IQCK: variants seen among roughly 807,000 people sequenced by gnomAD.
IQCK encodes IQ domain-containing protein K.
IQCK carries 29 observed loss-of-function variants against 28.1 expected under a neutral mutation model. That is an observed-to-expected ratio of 1.03 (90% confidence interval 0.77 to 1.41). The LOEUF is 1.41. Ranked by LOEUF, IQCK falls within the 40% of genes most tolerant of loss-of-function variation. The pLI, the probability that IQCK is intolerant of heterozygous loss-of-function variation, is 0.00. For missense variants in IQCK, 359 were observed against 314.7 expected (o/e 1.14, Z -1.07); for synonymous variants, 113 against 115.1 (o/e 0.98, Z 0.12).
At chr16:19,732,069 A>G (rs1977857314) in intron 2 of IQCK, among the ~76,000 whole-genome samples, 1 of 152,222 alleles carries the variant, frequency 6.6e-6, no homozygotes, top group African/African-American at 2.4e-5. Flanking sequence ...GAAGAGAGCA[A>G]GAATTCAGCC....
intron 9 of IQCK, among the ~76,000 whole-genome samples, chr16:19,848,159 G>A (rs1008705195): frequency 2.6e-5 from 4 of 152,224 alleles, no homozygotes; most frequent in Non-Finnish European, 4.4e-5. Flanking sequence ...CCAACAATGA[G>A]TGTGATGAGT....
chr16:19,732,806 C>G (rs1315311052), intron 2 of IQCK, among the ~76,000 whole-genome samples: 2 of 152,278 alleles, frequency 1.3e-5, no homozygotes, highest in East Asian at 3.9e-4. Flanking sequence ...CTAAGTGGTT[C>G]TAAGTGTTCT....
At position 19,741,506 on chromosome 16, in the gene IQCK, A is replaced by G. The variant is rs553534738; in HGVS notation, c.474+6056A>G. On this transcript the variant is annotated intron_variant, in intron 4 of 7. Coordinates refer to ENST00000564186, the Ensembl canonical transcript of IQCK. ...AAGAACCAGATAAATTTCTAATTAT[A>G]TTAGAGATTAATGAGGCATCCTTGT... Among the ~76,000 whole-genome samples the G allele has an allele frequency of 2.4e-4, 36 of 152,340 alleles. No individual in the cohort carries two copies. In the South Asian group the frequency reaches 6.8e-3, roughly 29 times the overall value.
At chr16:19,733,646 A>G in intron 2 of IQCK, 52 bp from the exon 3 acceptor site, 2 of 1,601,286 alleles carry the variant, frequency 1.2e-6, no homozygotes, top group South Asian at 2.2e-5. Context: ...CAGAAAATGC[A>G]ATTATTTAAG....
chr16:19,823,825 C>G (rs1043634165), intron 7 of IQCK, among the ~76,000 whole-genome samples: 1 of 152,034 alleles, frequency 6.6e-6, no homozygotes, highest in Non-Finnish European at 1.5e-5. Flanking sequence ...CCCAGCTACT[C>G]GTGAGGCTGA....
At chr16:19,748,458 A>G (rs2054943091) in intron 4 of IQCK, among the ~76,000 whole-genome samples, 1 of 152,218 alleles carries the variant, frequency 6.6e-6, no homozygotes, top group Non-Finnish European at 1.5e-5. Flanking sequence ...GATCTGTAAA[A>G]TATGAATTGT....
intron 6 of IQCK, among the ~76,000 whole-genome samples, chr16:19,776,641 A>G (rs775317751): frequency 1.2e-4 from 18 of 152,190 alleles, no homozygotes; most frequent in Non-Finnish European, 2.1e-4. Flanking sequence ...CCCGAGAAGC[A>G]GAGGTTGCAG....
chr16:19,740,709 G>A (rs1233011853), intron 4 of IQCK, among the ~76,000 whole-genome samples: 1 of 152,108 alleles, frequency 6.6e-6, no homozygotes, highest in East Asian at 1.9e-4. Context: ...GGTGGGTCAT[G>A]CCTGTAATGC....
At chr16:19,777,751 G>C (rs1011179252) in intron 6 of IQCK, among the ~76,000 whole-genome samples, 1 of 152,038 alleles carries the variant, frequency 6.6e-6, no homozygotes, top group South Asian at 2.1e-4. Context: ...CTCCATGGCT[G>C]TTTAAGAACC....
In IQCK at chr16:19,825,302, C is replaced by T. The variant is rs1225463663; in HGVS notation, c.691-1724C>T. Among the ~76,000 whole-genome samples, 1 of 152,040 alleles carries T rather than the reference C, an allele frequency of 6.6e-6. No homozygotes were observed. Among genetic ancestry groups the T allele is most frequent in the African/African-American group, 2.4e-5 (1 of 41,382 alleles). ...TTGGGAGGCCAAGGCGGATGGTTCA[C>T]TTGAGGTCAGGAGTTCGAGACCAGC... On this transcript the variant is annotated intron_variant, in intron 7 of 7. Transcript: ENST00000564186. The surrounding 1 kb of genome is among the most constrained non-coding windows in gnomAD (Gnocchi z 4.2).
chr16:19,718,481 T>A, exon 1 of IQCK: 1 of 1,604,480 alleles, frequency 6.2e-7, no homozygotes, highest in Admixed American at 1.7e-5. Context: ...GGAGCAGATC[T>A]GCAAGGGTAG....
exon 1 of IQCK, chr16:19,718,346 C>A (rs1259749341): frequency 6.2e-7 from 1 of 1,610,326 alleles, no homozygotes; most frequent in South Asian, 1.1e-5. Context: ...CATAGTGCGC[C>A]TCAAGCCCAG....
At chr16:19,747,745 ACT>A (rs2054931715) in intron 4 of IQCK, among the ~76,000 whole-genome samples, 1 of 152,052 alleles carries the variant, frequency 6.6e-6, no homozygotes, top group Admixed American at 6.6e-5. Flanking sequence ...GCGATATTTG[ACT>A]TTCTGTGTCT....
At chr16:19,855,452 G>A (rs564136566) in intron 9 of IQCK, among the ~76,000 whole-genome samples, 28 of 152,180 alleles carry the variant, frequency 1.8e-4, no homozygotes, top group African/African-American at 3.6e-4. Context: ...GTAGCAGGGC[G>A]TGGTGGTGCA....
chr16:19,738,470 G>A (rs1470369359), intron 4 of IQCK, among the ~76,000 whole-genome samples: 4 of 152,108 alleles, frequency 2.6e-5, no homozygotes. Flanking sequence ...GATTTATAGC[G>A]CAGCAGTTAA....
chr16:19,767,204 A>G (rs1016210199), intron 6 of IQCK, among the ~76,000 whole-genome samples: 4 of 152,092 alleles, frequency 2.6e-5, no homozygotes, highest in African/African-American at 9.7e-5. Context: ...CAGTGGGCAT[A>G]TGTTACCAGG....
chr16:19,783,277 G>A (rs1414803655), intron 6 of IQCK, among the ~76,000 whole-genome samples: 1 of 152,146 alleles, frequency 6.6e-6, no homozygotes, highest in East Asian at 1.9e-4. Context: ...GGGATTACAG[G>A]CGGGAGCCAC....
intron 9 of IQCK, among the ~76,000 whole-genome samples, chr16:19,836,755 G>A (rs1483164443): frequency 4.6e-5 from 7 of 152,072 alleles, no homozygotes; most frequent in Non-Finnish European, 8.8e-5. Context: ...TTTGTGATCC[G>A]CCCGCCCTGG....
intron 6 of IQCK, among the ~76,000 whole-genome samples, chr16:19,786,523 C>T (rs1271434033): frequency 1.4e-5 from 2 of 143,174 alleles, no homozygotes; most frequent in Non-Finnish European, 1.5e-5. Flanking sequence ...CACAGTGAAA[C>T]CCCATCTCTA....
Sources: allele counts gnomAD v4.1 joint callset (sites outside exome capture counted in the v4.1 genomes callset), GRCh38; gene constraint gnomAD v4.1.1; non-coding constraint Gnocchi (gnomAD v3.1); transcripts MANE v1.5; gene names NCBI Gene and HGNC (gene_info 2026-07-23, HGNC 2026-07-21).